The following MID1 variants were observed in gnomAD, a reference collection of about 807,000 sequenced individuals.
MID1 encodes the protein E3 ubiquitin-protein ligase Midline-1.
Under a neutral mutation model 40.4 loss-of-function variants are expected in MID1, and 7 were observed. That is an observed-to-expected ratio of 0.17 (90% confidence interval 0.10 to 0.33). The LOEUF (loss-of-function observed/expected upper bound fraction) is 0.33, where lower values mean the gene tolerates loss of function less well. MID1 is among the 10% of genes least tolerant of loss of function. The pLI, the probability that MID1 is intolerant of heterozygous loss-of-function variation, is 1.00. For missense variants in MID1, 367 were observed against 558.5 expected, an observed-to-expected ratio of 0.66 and a Z score of 3.46; for synonymous variants, 229 against 221.2, an observed-to-expected ratio of 1.04 and a Z score of -0.31.
intron 1 of MID1, among the ~76,000 whole-genome samples, chrX:10,650,149 C>T (rs1214351478): frequency 9.0e-6 from 1 of 111,604 alleles, no homozygotes; most frequent in Non-Finnish European, 1.9e-5. Context: ...TTGAAAAGTA[C>T]TGTTCGAATT....
intron 3 of MID1, among the ~76,000 whole-genome samples, chrX:10,510,782 A>G (rs1932092399): frequency 1.0e-5 from 1 of 96,246 alleles, no homozygotes; most frequent in African/African-American, 3.9e-5. Flanking sequence ...CAGTGAGCCG[A>G]GATCACGCCA....
At chrX:10,691,307 G>A (rs967057820) in intron 1 of MID1, among the ~76,000 whole-genome samples, 1 of 111,871 alleles carries the variant, frequency 8.9e-6, no homozygotes, top group Non-Finnish European at 1.9e-5. Flanking sequence ...GGAGGCCAAG[G>A]CGGGCAGATC....
At chrX:10,629,715 T>C (rs1936031749) in intron 1 of MID1, among the ~76,000 whole-genome samples, 1 of 112,592 alleles carries the variant, frequency 8.9e-6, no homozygotes, top group African/African-American at 3.2e-5. Flanking sequence ...CCATTCAGAA[T>C]TGCTGAATGA....
At chrX:10,455,787 A>G (rs923326449) in intron 8 of MID1, among the ~76,000 whole-genome samples, 5 of 112,084 alleles carry the variant, frequency 4.5e-5, no homozygotes, top group Non-Finnish European at 9.4e-5. Context: ...TGTGATAGCA[A>G]TGCCTGGGTT....
At chrX:10,489,155 A>C (rs959011783) in intron 4 of MID1, among the ~76,000 whole-genome samples, 14 of 112,048 alleles carry the variant, frequency 1.2e-4, no homozygotes, top group African/African-American at 3.9e-4. Context: ...TAAAATAAAT[A>C]ATTTGTAAAT....
intron 3 of MID1, among the ~76,000 whole-genome samples, chrX:10,509,380 C>G (rs781300909): frequency 3.3e-4 from 37 of 111,483 alleles, no homozygotes; most frequent in Admixed American, 1.1e-3. Context: ...TTTTCCCAAG[C>G]CTGATTCAAA....
chrX:10,447,570 G>T lies in MID1; in HGVS notation c.*1798C>A, dbSNP rs1185336248. ...CCTATAAGGTTTCCAGAGAAAGATTGTTTTTTTTCCATTGAGGCGTCCATC... is the reference window on the plus strand; with the variant it reads ...CCTATAAGGTTTCCAGAGAAAGATTTTTTTTTTTCCATTGAGGCGTCCATC... On this transcript the variant is annotated 3_prime_UTR_variant, in exon 10 of 10. Coordinates refer to ENST00000317552, the MANE Select transcript of MID1 (RefSeq NM_000381.4). 2.7e-5 allele frequency: 3 copies of T among 111,340 alleles called. No individual in the cohort carries two copies. The highest frequency in any genetic ancestry group is 1.9e-4 in the Admixed American group (2 of 10,478). The allele number at this position is 111,340 out of a possible 1,213,427, so 9.2% of individuals were successfully genotyped here.
intron 2 of MID1, among the ~76,000 whole-genome samples, chrX:10,529,607 C>T (rs1165986260): frequency 3.6e-5 from 4 of 111,811 alleles, no homozygotes; most frequent in Non-Finnish European, 7.5e-5. Flanking sequence ...CTCTTTTCCT[C>T]TACTTTCCCC....
At chrX:10,456,341 GCAGGC>G (rs1169426398) in intron 8 of MID1, among the ~76,000 whole-genome samples, 2 of 112,248 alleles carry the variant, frequency 1.8e-5, no homozygotes, top group African/African-American at 6.5e-5. Context: ...TTTTGGCTAT[GCAGGC>G]CAGGCCATGT....
intron 3 of MID1, chrX:10,505,841 T>C (rs1263299741): frequency 1.3e-6 from 1 of 752,700 alleles, no homozygotes; most frequent in African/African-American, 2.3e-5. Context: ...CCATGATTCC[T>C]GAAAAGTGAT....
intron 1 of MID1, among the ~76,000 whole-genome samples, chrX:10,828,359 T>C (rs1199230120): frequency 9.0e-6 from 1 of 111,222 alleles, no homozygotes; most frequent in African/African-American, 3.3e-5. Flanking sequence ...GGATGGGGAA[T>C]TAGAGAAAGA....
At chrX:10,811,774 G>A (rs1303819071) in intron 1 of MID1, among the ~76,000 whole-genome samples, 4 of 111,684 alleles carry the variant, frequency 3.6e-5, no homozygotes, top group Non-Finnish European at 5.6e-5. Context: ...ATCAGACTAG[G>A]ACTGATCTGT....
At chrX:10,566,528 TCTCC>T (rs1284920361) in intron 2 of MID1, among the ~76,000 whole-genome samples, 3 of 90,348 alleles carry the variant, frequency 3.3e-5, no homozygotes, top group East Asian at 6.5e-4. Context: ...TCTCCCTCTC[TCTCC>T]CTCTCTCTCT....
intron 2 of MID1, among the ~76,000 whole-genome samples, chrX:10,548,164 T>A: frequency 8.9e-6 from 1 of 111,922 alleles, no homozygotes; most frequent in Non-Finnish European, 1.9e-5. Context: ...CACTATTATT[T>A]ATGTGGCCAA....
At chrX:10,693,867 G>A (rs771526404) in intron 1 of MID1, among the ~76,000 whole-genome samples, 14 of 112,095 alleles carry the variant, frequency 1.2e-4, no homozygotes, top group East Asian at 5.6e-4. Context: ...CTAAACTTGC[G>A]AGGACAGTGA....
intron 5 of MID1, among the ~76,000 whole-genome samples, chrX:10,481,614 A>AC (rs1555894240): frequency 1.9e-5 from 2 of 103,197 alleles, no homozygotes; most frequent in Non-Finnish European, 4.0e-5. Flanking sequence ...TAATTTTTGT[A>AC]TTTTTTTTTT....
At chrX:10,642,792 CATG>C (rs1403279626) in intron 1 of MID1, among the ~76,000 whole-genome samples, 1 of 110,342 alleles carries the variant, frequency 9.1e-6, no homozygotes, top group Non-Finnish European at 1.9e-5. Context: ...ACCAAAACAG[CATG>C]ATACTGGTAC....
intron 1 of MID1, among the ~76,000 whole-genome samples, chrX:10,742,016 A>G (rs1188953595): frequency 9.0e-6 from 1 of 110,966 alleles, no homozygotes; most frequent in African/African-American, 3.3e-5. Flanking sequence ...GGAGACCTCA[A>G]TTTTCCAACT....
intron 1 of MID1, among the ~76,000 whole-genome samples, chrX:10,786,829 A>C (rs1206943515): frequency 6.7e-5 from 2 of 30,008 alleles, no homozygotes; most frequent in Non-Finnish European, 1.1e-4. Flanking sequence ...GGGTGGGGGG[A>C]GGGGGGAGGG....
Sources: gnomAD v4.1 joint callset for allele counts (sites outside exome capture counted in the v4.1 genomes callset) on GRCh38, gnomAD v4.1.1 for gene constraint, MANE v1.5 for transcripts, NCBI Gene and HGNC (gene_info 2026-07-23, HGNC 2026-07-21) for gene names.